Variants in OR7E24 observed in about 807,000 individuals in gnomAD.
OR7E24 encodes olfactory receptor 7E24.
For synonymous variants in OR7E24, 130 were observed against 157.5 expected (o/e 0.83, Z 1.31); for missense variants, 385 against 410.3 (o/e 0.94, Z 0.53).
the OR7E24 span, among the ~76,000 whole-genome samples, chr19:9,233,438 C>T: frequency 1.3e-5 from 2 of 152,202 alleles, no homozygotes; most frequent in African/African-American, 4.8e-5. Flanking sequence ...CTGGAAAGCA[C>T]GTACACACGA....
the OR7E24 span, among the ~76,000 whole-genome samples, chr19:9,218,657 T>C: frequency 1.3e-5 from 2 of 152,122 alleles, no homozygotes; most frequent in Admixed American, 1.3e-4. Context: ...GGGGACATGG[T>C]GTCACTTTGT....
the OR7E24 span, among the ~76,000 whole-genome samples, chr19:9,227,712 A>G: frequency 6.7e-6 from 1 of 149,106 alleles, no homozygotes; most frequent in African/African-American, 2.5e-5. Context: ...CTCTGGGTAT[A>G]TACCCAGTAA....
chr19:9,220,750 T>C, the OR7E24 span, among the ~76,000 whole-genome samples: 3 of 152,288 alleles, frequency 2.0e-5, no homozygotes, highest in Non-Finnish European at 4.4e-5. Context: ...CTGGATCATA[T>C]GGTAGTTCTA....
upstream of OR7E24, among the ~76,000 whole-genome samples, chr19:9,249,994 A>G (rs2066140703): frequency 6.6e-6 from 1 of 152,170 alleles, no homozygotes; most frequent in Non-Finnish European, 1.5e-5. Flanking sequence ...TTTTAACATT[A>G]TATTAATGTT....
chr19:9,235,218 C>T, the OR7E24 span: 16 of 1,512,692 alleles, frequency 1.1e-5, no homozygotes, highest in South Asian at 2.3e-5. Context: ...AACTGCAGCC[C>T]GTCCTCTTTG....
chr19:9,214,240 A>T, the OR7E24 span: 20 of 1,614,062 alleles, frequency 1.2e-5, no homozygotes, highest in African/African-American at 2.4e-4. Flanking sequence ...GTGGCCACAT[A>T]CAAGACAATG....
At chr19:9,235,716 T>C in the OR7E24 span, 7 of 1,605,714 alleles carry the variant, frequency 4.4e-6, no homozygotes, top group African/African-American at 1.3e-5. Flanking sequence ...CCCGCTCTGA[T>C]GCTCTCCTCA....
the OR7E24 span, among the ~76,000 whole-genome samples, chr19:9,220,391 ACTT>A: frequency 2.0e-5 from 3 of 152,096 alleles, no homozygotes; most frequent in Non-Finnish European, 4.4e-5. Context: ...CCAACATTCT[ACTT>A]CTTTGAAATC....
the OR7E24 span, among the ~76,000 whole-genome samples, chr19:9,232,235 G>A: frequency 4.6e-5 from 7 of 151,982 alleles, no homozygotes; most frequent in African/African-American, 1.7e-4. Flanking sequence ...TCAACCTTGT[G>A]TGCATTAAAA....
chr19:9,227,432 G>C, the OR7E24 span, among the ~76,000 whole-genome samples: 4 of 151,926 alleles, frequency 2.6e-5, no homozygotes, highest in Non-Finnish European at 5.9e-5. Flanking sequence ...GTTTCGCCAC[G>C]TTGGCCAGGC....
chr19:9,250,026 C>T (rs532645026), upstream of OR7E24, among the ~76,000 whole-genome samples: 2 of 152,198 alleles, frequency 1.3e-5, no homozygotes, highest in African/African-American at 4.8e-5. Context: ...AGGTACGTTG[C>T]ACACTATCAA....
At chr19:9,208,039 AT>A in the OR7E24 span, 48,569 of 140,714 alleles carry the variant, frequency 0.35, 8,450 homozygotes, top group African/African-American at 0.49. Context: ...ATTAGTTTCT[AT>A]TTTTTTTTTT....
the OR7E24 span, chr19:9,214,010 C>G: frequency 6.2e-7 from 1 of 1,614,054 alleles, no homozygotes; most frequent in Non-Finnish European, 8.5e-7. Flanking sequence ...TGGCGTACAT[C>G]ACTGAGGCGG....
the OR7E24 span, chr19:9,213,932 T>C: frequency 1.9e-6 from 3 of 1,614,090 alleles, no homozygotes; most frequent in Non-Finnish European, 2.5e-6. Context: ...TGAGGAGTCT[T>C]TCCAGGGCCC....
the OR7E24 span, among the ~76,000 whole-genome samples, chr19:9,230,619 G>T: frequency 1.3e-5 from 2 of 152,058 alleles, no homozygotes; most frequent in African/African-American, 4.8e-5. Context: ...TGTCTATTTT[G>T]TTTCTAATAT....
the OR7E24 span, among the ~76,000 whole-genome samples, chr19:9,232,069 T>C: frequency 2.0e-5 from 3 of 152,136 alleles, no homozygotes; most frequent in African/African-American, 7.2e-5. Flanking sequence ...CCCAAAATCA[T>C]TTCTTTTTTA....
At chr19:9,239,363 G>A in the OR7E24 span, among the ~76,000 whole-genome samples, 2 of 151,888 alleles carry the variant, frequency 1.3e-5, no homozygotes, top group Non-Finnish European at 2.9e-5. Context: ...TAGTAGAGAC[G>A]GGGCTTCACC....
chr19:9,232,705 G>C, the OR7E24 span, among the ~76,000 whole-genome samples: 1 of 151,996 alleles, frequency 6.6e-6, no homozygotes, highest in Non-Finnish European at 1.5e-5. Flanking sequence ...GCAGCGCCTC[G>C]GAGAGAGCTT....
chr19:9,220,426 C>T, the OR7E24 span, among the ~76,000 whole-genome samples: 5,844 of 152,284 alleles, frequency 0.038, 352 homozygotes, highest in African/African-American at 0.13. Context: ...TCTCTGAGAT[C>T]ACCTTCGTTA....
Sources: gnomAD v4.1 joint callset for allele counts (sites outside exome capture counted in the v4.1 genomes callset) on GRCh38, gnomAD v4.1.1 for gene constraint, MANE v1.5 for transcripts, NCBI Gene and HGNC (gene_info 2026-07-23, HGNC 2026-07-21) for gene names.